ARL6: variants seen among roughly 807,000 people sequenced by gnomAD.
The protein encoded by ARL6 is ARF like GTPase 6, also known as ADP-ribosylation factor-like protein 6.
Under a neutral mutation model 27.1 loss-of-function variants are expected in ARL6, and 18 were observed. The observed-to-expected ratio is 0.66, with a 90% CI of 0.46 to 0.98. The LOEUF is 0.98. Ranked by LOEUF, ARL6 falls within the 50% of genes least tolerant of loss-of-function variation. The pLI, the probability that ARL6 is intolerant of heterozygous loss-of-function variation, is 0.00. For synonymous variants in ARL6, 65 were observed against 72.3 expected (o/e 0.90, Z 0.51); for missense variants, 187 against 214.9 (o/e 0.87, Z 0.81).
At chr3:97,788,870 G>A (rs1365022224) in intron 6 of ARL6, among the ~76,000 whole-genome samples, 1 of 152,016 alleles carries the variant, frequency 6.6e-6, no homozygotes, top group Non-Finnish European at 1.5e-5. Flanking sequence ...TAGTGCCTAC[G>A]ACTACCATCT....
chr3:97,785,752 C>T (rs765234994), intron 5 of ARL6, among the ~76,000 whole-genome samples: 12 of 152,040 alleles, frequency 7.9e-5, no homozygotes, highest in Non-Finnish European at 1.5e-4. Context: ...ACTTTCCTCC[C>T]GCCCAAGCCC....
intron 2 of ARL6, among the ~76,000 whole-genome samples, chr3:97,774,162 A>T (rs550037824): frequency 5.9e-5 from 9 of 152,304 alleles, no homozygotes; most frequent in South Asian, 2.1e-4. Flanking sequence ...TAGCTTGTTG[A>T]CTTAAAGGTA....
At chr3:97,786,201 A>T (rs1576462130) in intron 5 of ARL6, among the ~76,000 whole-genome samples, 1 of 152,058 alleles carries the variant, frequency 6.6e-6, no homozygotes, top group Admixed American at 6.5e-5. Context: ...AAATACAGAA[A>T]TTAGCCAGGC....
intron 4 of ARL6, among the ~76,000 whole-genome samples, chr3:97,783,247 A>C (rs1332665253): frequency 6.6e-6 from 1 of 151,704 alleles, no homozygotes; most frequent in Non-Finnish European, 1.5e-5. Flanking sequence ...TCCTTTTGAA[A>C]TATATAACAT....
intron 1 of ARL6, among the ~76,000 whole-genome samples, chr3:97,765,438 A>G (rs2107965696): frequency 6.6e-6 from 1 of 152,242 alleles, no homozygotes; most frequent in Non-Finnish European, 1.5e-5. Context: ...AACTGTGGAT[A>G]ACATCCTAAT....
At chr3:97,769,122 A>G (rs1210820083) in intron 2 of ARL6, among the ~76,000 whole-genome samples, 2 of 152,142 alleles carry the variant, frequency 1.3e-5, no homozygotes, top group Non-Finnish European at 2.9e-5. Flanking sequence ...CTCATTTTAT[A>G]GTAAAATTGT....
Position 97,798,321 on chromosome 3 carries a change from T to A in ARL6, c.*272T>A. Reference sequence around the variant, plus strand: ...TGATTGTACGTAGAATGTTTAAAAGTCAGTTATAAGCCATCTCATCCCATC... The same window carrying A: ...TGATTGTACGTAGAATGTTTAAAAGACAGTTATAAGCCATCTCATCCCATC... On this transcript the variant is annotated 3_prime_UTR_variant, in exon 8 of 8. Transcript: ENST00000463745. 1 of 342,274 alleles carries A rather than the reference T, an allele frequency of 2.9e-6. No individual in the cohort carries two copies. The highest frequency in any genetic ancestry group is 4.2e-5 in the Admixed American group (1 of 23,796). The allele number at this position is 342,274 out of a possible 1,614,324, so 21.2% of individuals were successfully genotyped here.
rs1175546390 is a variant in ARL6, at chr3:97,796,412, G to A, written c.536-1612G>A. Among the ~76,000 whole-genome samples the A allele has an allele frequency of 2.0e-5, 3 of 152,072 alleles. No homozygotes were observed. In the East Asian group the frequency reaches 5.8e-4, roughly 29 times the overall value. On this transcript the variant is annotated intron_variant, in intron 7 of 7. Coordinates refer to ENST00000463745, the MANE Select transcript of ARL6 (RefSeq NM_001278293.3). ...TTAGTTTTAAAAAGATGATAAAATA[G>A]AGGCAAACTCCCAGAAAGTAGAGCA...
At chr3:97,795,508 T>C (rs1163776644) in intron 7 of ARL6, among the ~76,000 whole-genome samples, 1 of 152,152 alleles carries the variant, frequency 6.6e-6, no homozygotes. Context: ...AAAGAGACTT[T>C]TTAAAAAGAT....
chr3:97,769,206 G>T (rs769841633), intron 2 of ARL6, among the ~76,000 whole-genome samples: 12 of 151,934 alleles, frequency 7.9e-5, no homozygotes, highest in Non-Finnish European at 1.3e-4. Flanking sequence ...TTCATATTAA[G>T]CTATCTTTAT....
intron 1 of ARL6, among the ~76,000 whole-genome samples, chr3:97,765,212 GTGTGTGTGTGTGT>G (rs1367400538): frequency 7.0e-4 from 6 of 8,580 alleles, no homozygotes; most frequent in Admixed American, 1.2e-3. Context: ...TGTATTGGGG[GTGTGTGTGTGTGT>G]GTGTGTGTGT....
chr3:97,793,083 C>T lies in ARL6; in HGVS notation c.535+1257C>T, dbSNP rs149793562. On this transcript the variant is annotated intron_variant, in intron 7 of 7. Coordinates refer to ENST00000463745, the MANE Select transcript of ARL6 (RefSeq NM_001278293.3). ...CATAGTATTTCTTTGGTTCAAAGTG[C>T]GAAATGTACATTTCATAAATATTTG... Among the ~76,000 whole-genome samples, 14 of 152,048 alleles carry T rather than the reference C, an allele frequency of 9.2e-5. No individual in the cohort carries two copies. The East Asian group carries it at 2.7e-3, about 29-fold the overall frequency.
At position 97,780,669 on chromosome 3, in the gene ARL6, G is replaced by C; in HGVS notation, c.240G>C (p.Trp80Cys). ...GTCAAGGAAGATACAGAAATCTCTGGGAACACTATTATAAGTAAGTACATC... is the reference window on the plus strand; with the variant it reads ...GTCAAGGAAGATACAGAAATCTCTGCGAACACTATTATAAGTAAGTACATC... ...MSGQGRYRNL[W>C]EHYYKEGQAI... The change falls in exon 4 of 8, where the codon TGG (tryptophan) becomes TGC (cysteine). Residue 80 changes from tryptophan (W) to cysteine (C), a missense_variant. Physicochemically the swap from Trp to Cys is radical, Grantham distance 215. Coordinates refer to ENST00000463745, the MANE Select transcript of ARL6 (RefSeq NM_001278293.3). 1 of 1,611,440 alleles carries C rather than the reference G, an allele frequency of 6.2e-7. No individual in the cohort carries two copies. Among genetic ancestry groups the C allele is most frequent in the Admixed American group, 1.7e-5 (1 of 60,002 alleles).
In ARL6 at chr3:97,798,536, A is replaced by G. The variant is rs1382995850; in HGVS notation, c.*487A>G. ...AATAAAATGTAAAATATAATGTGCC[A>G]ACTAGTGCGCTTTGTTTATGCTGAA... On this transcript the variant is annotated 3_prime_UTR_variant, in exon 8 of 8. Transcript: ENST00000463745. The G allele has an allele frequency of 2.0e-5, 3 of 153,420 alleles. No homozygotes were observed. Among genetic ancestry groups the G allele is most frequent in the Admixed American group, 2.0e-4 (3 of 15,350 alleles). 9.5% of individuals were successfully genotyped at this position (153,420 alleles called of 1,614,324 possible).
At chr3:97,783,781 A>G (rs1024616026) in intron 4 of ARL6, among the ~76,000 whole-genome samples, 19 of 151,852 alleles carry the variant, frequency 1.3e-4, no homozygotes, top group Non-Finnish European at 2.4e-4. Flanking sequence ...CGCAAAAAAA[A>G]GTACAGATGT....
At chr3:97,796,175 T>A (rs1354538478) in intron 7 of ARL6, among the ~76,000 whole-genome samples, 1 of 152,130 alleles carries the variant, frequency 6.6e-6, no homozygotes, top group Non-Finnish European at 1.5e-5. Flanking sequence ...GAAAACATTA[T>A]GAAATATGGG....
At chr3:97,779,105 G>A (rs754571031) in intron 2 of ARL6, among the ~76,000 whole-genome samples, 1 of 152,146 alleles carries the variant, frequency 6.6e-6, no homozygotes, top group Non-Finnish European at 1.5e-5. Context: ...GTCTCCTGCT[G>A]TACTCTAGCC....
intron 1 of ARL6, among the ~76,000 whole-genome samples, chr3:97,766,250 A>G (rs2036376736): frequency 6.6e-6 from 1 of 152,280 alleles, no homozygotes; most frequent in Non-Finnish European, 1.5e-5. Flanking sequence ...CAATATGTTT[A>G]TGCAGTAAAT....
chr3:97,769,929 A>G (rs77022783), intron 2 of ARL6, among the ~76,000 whole-genome samples: 14 of 152,088 alleles, frequency 9.2e-5, no homozygotes, highest in African/African-American at 3.4e-4. Flanking sequence ...CATTATCCAT[A>G]CATCCATTGA....
Sources: gnomAD v4.1 joint callset for allele counts (sites outside exome capture counted in the v4.1 genomes callset) on GRCh38, gnomAD v4.1.1 for gene constraint, MANE v1.5 for transcripts, NCBI Gene and HGNC (gene_info 2026-07-23, HGNC 2026-07-21) for gene names.